The following ILRUN variants were observed in gnomAD, a reference collection of about 807,000 sequenced individuals.
ILRUN encodes inflammation and lipid regulator with UBA-like and NBR1-like domains.
ILRUN carries 3 observed loss-of-function variants against 33.8 expected under a neutral mutation model. The observed-to-expected ratio is 0.09, with a 90% CI of 0.04 to 0.23. The LOEUF (loss-of-function observed/expected upper bound fraction) is 0.23. Ranked by LOEUF, ILRUN falls within the 10% of genes least tolerant of loss-of-function variation. The probability of loss-of-function intolerance (pLI) is 1.00; values close to 1 mark genes in which losing one functional copy is unlikely to be tolerated. For missense variants in ILRUN, 210 were observed against 375.1 expected (o/e 0.56, Z 3.64); for synonymous variants, 124 against 138.9 (o/e 0.89, Z 0.75).
intron 3 of ILRUN, among the ~76,000 whole-genome samples, chr6:34,628,680 G>C (rs1762188302): frequency 6.6e-6 from 1 of 152,062 alleles, no homozygotes; most frequent in Non-Finnish European, 1.5e-5. Context: ...TTTTGTTGAG[G>C]ATATGTGCAT....
intron 3 of ILRUN, among the ~76,000 whole-genome samples, chr6:34,631,959 T>C (rs1009611554): frequency 1.7e-5 from 2 of 116,266 alleles, no homozygotes; most frequent in Non-Finnish European, 3.3e-5. Flanking sequence ...AGTGGAATGG[T>C]ATGAATTACT....
intron 1 of ILRUN, among the ~76,000 whole-genome samples, chr6:34,674,805 A>T (rs1481717104): frequency 6.6e-6 from 1 of 152,200 alleles, no homozygotes; most frequent in Non-Finnish European, 1.5e-5. Context: ...TCACACCTGT[A>T]ATCCCAGCAC....
At chr6:34,609,464 T>C (rs1761699330) in intron 3 of ILRUN, among the ~76,000 whole-genome samples, 1 of 151,894 alleles carries the variant, frequency 6.6e-6, no homozygotes. Context: ...CACTCCAGCC[T>C]GGATGACAGA....
At chr6:34,678,866 AAG>A (rs1177279978) in intron 1 of ILRUN, among the ~76,000 whole-genome samples, 1 of 151,018 alleles carries the variant, frequency 6.6e-6, no homozygotes, top group Non-Finnish European at 1.5e-5. Flanking sequence ...AAAAGAAAGA[AAG>A]AAAGAAATTT....
chr6:34,681,995 G>A lies in ILRUN; in HGVS notation c.158+14451C>T, dbSNP rs567054556. ...GCCTCCCAAGTAGTTGGGATTACAG[G>A]TGCATGCCACCACACCCCACTAATT... On this transcript the variant is annotated intron_variant, in intron 1 of 4. Transcript: ENST00000374023. Among the ~76,000 whole-genome samples, 10 of 145,890 alleles carry A rather than the reference G, an allele frequency of 6.9e-5. No individual in the cohort carries two copies. In the South Asian group the frequency reaches 8.7e-4, roughly 13 times the overall value.
intron 4 of ILRUN, among the ~76,000 whole-genome samples, chr6:34,600,392 A>G (rs1582032910): frequency 6.6e-6 from 1 of 152,192 alleles, no homozygotes; most frequent in East Asian, 1.9e-4. Context: ...CTTTCTCCAG[A>G]TAGGCTTTAC....
At chr6:34,635,780 G>T (rs577466579) in intron 3 of ILRUN, among the ~76,000 whole-genome samples, 4 of 152,102 alleles carry the variant, frequency 2.6e-5, no homozygotes, top group Admixed American at 2.0e-4. Flanking sequence ...CTGCCATCAT[G>T]CTCAGCTAAT....
In ILRUN at chr6:34,662,262, C is replaced by A. The variant is rs535925961; in HGVS notation, c.159-7483G>T. 3.0e-4 allele frequency among the ~76,000 whole-genome samples: 43 copies of A among 142,812 alleles called. No homozygotes were observed. The East Asian group carries it at 8.0e-3, about 27-fold the overall frequency. 93.7% of individuals were successfully genotyped at this position (142,812 alleles called of 152,430 possible). ...CAGAGCTTGCAGTGAGCCGAGATCG[C>A]GCCACTGCACTCCAGCCTGGGTGAC... On this transcript the variant is annotated intron_variant, in intron 1 of 4. Transcript: ENST00000374023.
intron 1 of ILRUN, among the ~76,000 whole-genome samples, chr6:34,693,929 C>G (rs894755721): frequency 2.0e-5 from 3 of 151,968 alleles, no homozygotes; most frequent in Admixed American, 6.6e-5. Flanking sequence ...GGTGATCCTC[C>G]CACTTCAGCC....
chr6:34,640,273 G>A (rs571546631), intron 3 of ILRUN, among the ~76,000 whole-genome samples: 1 of 152,002 alleles, frequency 6.6e-6, no homozygotes, highest in Non-Finnish European at 1.5e-5. Context: ...CCGAAAGCAC[G>A]CCCACTGAGA....
At chr6:34,647,951 G>A (rs531325211) in intron 2 of ILRUN, among the ~76,000 whole-genome samples, 1 of 152,148 alleles carries the variant, frequency 6.6e-6, no homozygotes, top group Admixed American at 6.5e-5. Context: ...TGCCTGCCTT[G>A]GCCTCCCAAA....
intron 3 of ILRUN, among the ~76,000 whole-genome samples, chr6:34,612,364 G>A (rs1761774212): frequency 6.6e-6 from 1 of 152,120 alleles, no homozygotes; most frequent in Admixed American, 6.5e-5. Flanking sequence ...CTAGGAGGTC[G>A]AGGTTGTACC....
intron 1 of ILRUN, among the ~76,000 whole-genome samples, chr6:34,679,305 T>C (rs2127383038): frequency 6.6e-6 from 1 of 152,262 alleles, no homozygotes; most frequent in African/African-American, 2.4e-5. Flanking sequence ...ATGCGTCCAA[T>C]CTTTATGAGG....
intron 1 of ILRUN, among the ~76,000 whole-genome samples, chr6:34,687,503 T>A (rs1763546394): frequency 6.6e-6 from 1 of 151,622 alleles, no homozygotes. Flanking sequence ...TGAGACAGCC[T>A]GGCCAATAAG....
intron 3 of ILRUN, chr6:34,616,404 T>A (rs1761893147): frequency 1.4e-5 from 7 of 503,426 alleles, no homozygotes; most frequent in Admixed American, 1.1e-4. Flanking sequence ...AGCTACAGGC[T>A]CATATTTCAT....
In ILRUN at chr6:34,651,736, A is replaced by T. The variant is rs977065410; in HGVS notation, c.313+2889T>A. Among the ~76,000 whole-genome samples the T allele has an allele frequency of 1.6e-4, 8 of 51,194 alleles. No individual in the cohort carries two copies. The South Asian group carries it at 1.8e-3, about 12-fold the overall frequency. 33.6% of individuals were successfully genotyped at this position (51,194 alleles called of 152,430 possible). A position where few individuals can be genotyped will look rare whatever the true frequency, so the allele number is the denominator to read the frequency against. ...CTTTCCAAACAAACCTCATTTATTAAAAAAAAAAAAAATTATATATATATA... is the reference window on the plus strand; with the variant it reads ...CTTTCCAAACAAACCTCATTTATTATAAAAAAAAAAAATTATATATATATA... On this transcript the variant is annotated intron_variant, in intron 2 of 4. Coordinates refer to ENST00000374023, the MANE Select transcript of ILRUN (RefSeq NM_024294.4).
At chr6:34,626,785 T>A (rs1458355244) in intron 3 of ILRUN, among the ~76,000 whole-genome samples, 1 of 152,074 alleles carries the variant, frequency 6.6e-6, no homozygotes, top group Non-Finnish European at 1.5e-5. Context: ...GGTGGGCGGA[T>A]CACGAGGTCA....
chr6:34,661,695 T>C (rs1762889107), intron 1 of ILRUN, among the ~76,000 whole-genome samples: 1 of 152,204 alleles, frequency 6.6e-6, no homozygotes, highest in African/African-American at 2.4e-5. Context: ...AACATAAAAA[T>C]ATCCTTAAAG....
At chr6:34,660,260 G>GC (rs1762862427) in intron 1 of ILRUN, among the ~76,000 whole-genome samples, 1 of 151,562 alleles carries the variant, frequency 6.6e-6, no homozygotes, top group African/African-American at 2.4e-5. Context: ...CTGAGACTGC[G>GC]CCACTGCACT....
Sources: gnomAD v4.1 joint callset for allele counts (sites outside exome capture counted in the v4.1 genomes callset) on GRCh38, gnomAD v4.1.1 for gene constraint, MANE v1.5 for transcripts, NCBI Gene and HGNC (gene_info 2026-07-23, HGNC 2026-07-21) for gene names.